RERE: variants seen among roughly 807,000 people sequenced by gnomAD.
The protein encoded by RERE is arginine-glutamic acid dipeptide repeats.
Under a neutral mutation model 146.1 loss-of-function variants are expected in RERE, and 40 were observed. The ratio of observed to expected loss-of-function variants is 0.27; its 90% CI spans 0.21 to 0.36. The LOEUF (loss-of-function observed/expected upper bound fraction) is 0.36, where lower values mean the gene tolerates loss of function less well. RERE is among the 10% of genes least tolerant of loss of function. The pLI, the probability that RERE is intolerant of heterozygous loss-of-function variation, is 1.00. For missense variants in RERE, 1,933 were observed against 2,138.7 expected, an observed-to-expected ratio of 0.90 and a Z score of 1.90; for synonymous variants, 1,003 against 866.0, an observed-to-expected ratio of 1.16 and a Z score of -2.78.
chr1:8,685,488 G>A (rs1359891615), intron 1 of RERE, among the ~76,000 whole-genome samples: 4 of 152,096 alleles, frequency 2.6e-5, no homozygotes, highest in East Asian at 1.9e-4. Flanking sequence ...TTAGGAGGCC[G>A]AGGTGGGTGG....
chr1:8,661,144 C>T (rs1638447986), intron 1 of RERE, among the ~76,000 whole-genome samples: 1 of 152,144 alleles, frequency 6.6e-6, no homozygotes, highest in South Asian at 2.1e-4. Flanking sequence ...TCTGAGGGGG[C>T]TTTGACCCTG....
chr1:8,718,094 C>T (rs1366699383), intron 1 of RERE, among the ~76,000 whole-genome samples: 2 of 152,196 alleles, frequency 1.3e-5, no homozygotes, highest in African/African-American at 2.4e-5. Context: ...AAGTCAGAAA[C>T]ATCTGTTTTA....
chr1:8,422,927 C>T, intron 11 of RERE, 120 bp from the exon 12 acceptor site: 4 of 725,898 alleles, frequency 5.5e-6, no homozygotes, highest in Non-Finnish European at 7.2e-6. Flanking sequence ...CTAGGGAATA[C>T]TGCCGAGGCT....
chr1:8,496,141 A>G (rs1249707175), intron 9 of RERE, among the ~76,000 whole-genome samples: 1 of 143,366 alleles, frequency 7.0e-6, no homozygotes, highest in Non-Finnish European at 1.5e-5. Context: ...CCAGTGTGAG[A>G]CCCTGTCTTA....
At chr1:8,363,729 AATAGCAGAG>A (rs1451511466) in intron 15 of RERE, 2 of 338,770 alleles carry the variant, frequency 5.9e-6, no homozygotes, top group African/African-American at 4.2e-5. Context: ...GCAAGTTTAA[AATAGCAGAG>A]ATTTGATACA....
At position 8,559,280 on chromosome 1, in the gene RERE, C is replaced by CAAAAAAAAAAAAA. The variant is rs548075266; in HGVS notation, c.523-1770_523-1758dup. Among the ~76,000 whole-genome samples the CAAAAAAAAAAAAA allele has an allele frequency of 5.6e-3, 68 of 12,066 alleles. 5 individuals are homozygous for CAAAAAAAAAAAAA. Among genetic ancestry groups the CAAAAAAAAAAAAA allele is most frequent in the Non-Finnish European group, 7.7e-3 (48 of 6,214 alleles). The allele number at this position is 12,066 out of a possible 152,430, so 7.9% of individuals were successfully genotyped here. ...GGGCAACAAGAGCAAAACTCCAGCT[C>CAAAAAAAAAAAAA]AAAAAAAAAAAAAAAAAAAAAAAAC... On this transcript the variant is annotated intron_variant, in intron 4 of 22. Transcript: ENST00000400908.
intron 1 of RERE, among the ~76,000 whole-genome samples, chr1:8,790,785 C>T (rs1361144636): frequency 6.6e-6 from 1 of 152,166 alleles, no homozygotes. Flanking sequence ...GGGTTTTGGC[C>T]ATGTTGGCCA....
chr1:8,750,875 G>A, intron 1 of RERE: 2 of 822,306 alleles, frequency 2.4e-6, no homozygotes, highest in Non-Finnish European at 4.2e-6. Context: ...TCTGAAGTCA[G>A]TAAATGAACT....
intron 11 of RERE, among the ~76,000 whole-genome samples, chr1:8,457,962 A>G (rs1002308430): frequency 3.3e-5 from 5 of 152,110 alleles, no homozygotes; most frequent in African/African-American, 7.2e-5. Flanking sequence ...CTTTAAATGA[A>G]TGACTTCCTC....
chr1:8,559,145 T>G, intron 4 of RERE, among the ~76,000 whole-genome samples: 1 of 148,774 alleles, frequency 6.7e-6, no homozygotes, highest in South Asian at 2.1e-4. Context: ...CCGGGTATGG[T>G]GGGGCATGCC....
In RERE at chr1:8,423,456, G is replaced by A. The variant is rs1211330384; in HGVS notation, c.1204-649C>T. ...CTCGCCGCCCCCATCCATTTTCGCAGCAGACTCGTCCCTAACCCCAGCCCG... is the reference window on the plus strand; with the variant it reads ...CTCGCCGCCCCCATCCATTTTCGCAACAGACTCGTCCCTAACCCCAGCCCG... On this transcript the variant is annotated intron_variant, in intron 11 of 22. Transcript: ENST00000400908. The surrounding 1 kb of genome is among the most constrained non-coding windows in gnomAD (Gnocchi z 5.4). 1.3e-5 allele frequency: 11 copies of A among 815,404 alleles called. No individual in the cohort carries two copies. Among genetic ancestry groups the A allele is most frequent in the Non-Finnish European group, 1.0e-5 (7 of 674,688 alleles). 50.5% of individuals were successfully genotyped at this position (815,404 alleles called of 1,614,324 possible).
rs985140466 is a variant in RERE, at chr1:8,809,157, A to AAAAAAAAAAAAAAAAAAAAAAAAAAAT, written c.-145+8002_-145+8003insATTTTTTTTTTTTTTTTTTTTTTTTTT. Among the ~76,000 whole-genome samples, 76 of 146,196 alleles carry AAAAAAAAAAAAAAAAAAAAAAAAAAAT rather than the reference A, an allele frequency of 5.2e-4. 7 individuals carry two copies. Among genetic ancestry groups the AAAAAAAAAAAAAAAAAAAAAAAAAAAT allele is most frequent in the African/African-American group, 2.0e-3 (73 of 36,426 alleles). ...TGTCTTAAAAAAAAAAAAAAAAAAA[A>AAAAAAAAAAAAAAAAAAAAAAAAAAAT]AAAGTACTGAGGGAGAGGTTAATGG... On this transcript the variant is annotated intron_variant, in intron 1 of 22. Transcript: ENST00000400908.
intron 4 of RERE, among the ~76,000 whole-genome samples, chr1:8,584,269 ATAGG>A (rs1646400862): frequency 6.6e-6 from 1 of 152,198 alleles, no homozygotes; most frequent in African/African-American, 2.4e-5. Flanking sequence ...AATATTAAAA[ATAGG>A]CACTGGGCAT....
intron 2 of RERE, among the ~76,000 whole-genome samples, chr1:8,645,821 G>A (rs1224091888): frequency 1.3e-5 from 2 of 152,084 alleles, no homozygotes; most frequent in African/African-American, 4.8e-5. Flanking sequence ...GAAGTAATAA[G>A]TTTTTATGTG....
intron 2 of RERE, among the ~76,000 whole-genome samples, chr1:8,627,459 G>T (rs1239163265): frequency 6.6e-6 from 1 of 150,976 alleles, no homozygotes; most frequent in Non-Finnish European, 1.5e-5. Context: ...AAAATTAGCT[G>T]GGTGTGGTGG....
intron 3 of RERE, among the ~76,000 whole-genome samples, chr1:8,622,244 A>C (rs1409286927): frequency 6.6e-6 from 1 of 152,200 alleles, no homozygotes; most frequent in Admixed American, 6.5e-5. Flanking sequence ...TCAAACAGGA[A>C]GGCACCTGCT....
intron 2 of RERE, among the ~76,000 whole-genome samples, chr1:8,632,977 A>G (rs1647051727): frequency 1.3e-5 from 2 of 152,234 alleles, no homozygotes; most frequent in African/African-American, 4.8e-5. Flanking sequence ...ATTTTCTTAT[A>G]TATTTCAAAT....
intron 1 of RERE, among the ~76,000 whole-genome samples, chr1:8,816,394 G>A (rs1477950925): frequency 6.6e-6 from 1 of 152,186 alleles, no homozygotes; most frequent in African/African-American, 2.4e-5. Flanking sequence ...TTTGAAGTCT[G>A]TAATCCAGAA....
chr1:8,567,195 A>C (rs1646163611), intron 4 of RERE, among the ~76,000 whole-genome samples: 1 of 152,162 alleles, frequency 6.6e-6, no homozygotes, highest in East Asian at 1.9e-4. Flanking sequence ...AGGCACTAGG[A>C]TCAAGGTTAG....
Sources: gnomAD v4.1 joint callset for allele counts (sites outside exome capture counted in the v4.1 genomes callset) on GRCh38, gnomAD v4.1.1 for gene constraint, Gnocchi (gnomAD v3.1) non-coding constraint, MANE v1.5 for transcripts, NCBI Gene and HGNC (gene_info 2026-07-23, HGNC 2026-07-21) for gene names.